Variants in KPNA1 observed in about 807,000 individuals in gnomAD.
KPNA1 encodes karyopherin subunit alpha 1, also known as importin subunit alpha-5.
Under a neutral mutation model 70.5 loss-of-function variants are expected in KPNA1, and 10 were observed. That is an observed-to-expected ratio of 0.14 (90% CI 0.09 to 0.24). The LOEUF (loss-of-function observed/expected upper bound fraction) is 0.24. Among genes scored for constraint, KPNA1 ranks in the 10% least tolerant of loss-of-function variants. KPNA1 has a pLI of 1.00. For missense variants in KPNA1, 397 were observed against 637.9 expected (o/e 0.62, Z 4.07); for synonymous variants, 192 against 221.9 (o/e 0.87, Z 1.20).
chr3:122,507,757 TAAA>T (rs769610393), intron 1 of KPNA1, among the ~76,000 whole-genome samples: 6 of 143,178 alleles, frequency 4.2e-5, no homozygotes, highest in Non-Finnish European at 3.1e-5. Flanking sequence ...TTTGGGGGGT[TAAA>T]AAAAAAAAAA....
At chr3:122,431,190 C>G (rs2075901085) in intron 12 of KPNA1, among the ~76,000 whole-genome samples, 1 of 152,166 alleles carries the variant, frequency 6.6e-6, no homozygotes, top group Non-Finnish European at 1.5e-5. Flanking sequence ...GACAGAGTCT[C>G]TCACTCTGTC....
At chr3:122,464,064 C>A in intron 3 of KPNA1, 23 bp from the exon 4 acceptor site, 1 of 1,330,434 alleles carries the variant, frequency 7.5e-7, no homozygotes. Flanking sequence ...ACAAAAAGAA[C>A]ATATAATAAA....
chr3:122,452,594 G>A lies in KPNA1; in HGVS notation c.565-530C>T, dbSNP rs1283304817. ...GGAGGGAAGGAAGGAAGGAAGGAAGGAAGGAAGGAAGGAAGGGAGGGAGGG... is the reference window on the plus strand; with the variant it reads ...GGAGGGAAGGAAGGAAGGAAGGAAGAAAGGAAGGAAGGAAGGGAGGGAGGG... On this transcript the variant is annotated intron_variant, in intron 6 of 13. Coordinates refer to ENST00000344337, the MANE Select transcript of KPNA1 (RefSeq NM_002264.4). 7.1e-5 allele frequency among the ~76,000 whole-genome samples: 7 copies of A among 98,218 alleles called. No homozygotes were observed. In the East Asian group the frequency reaches 2.3e-3, roughly 32 times the overall value. 64.4% of individuals were successfully genotyped at this position (98,218 alleles called of 152,430 possible). A position where few individuals can be genotyped will look rare whatever the true frequency, so the allele number is the denominator to read the frequency against.
At chr3:122,482,632 C>T (rs968905828) in intron 2 of KPNA1, among the ~76,000 whole-genome samples, 7 of 152,082 alleles carry the variant, frequency 4.6e-5, no homozygotes, top group African/African-American at 1.7e-4. Context: ...GGGACTAGAA[C>T]TAACAAGTGA....
rs2075809980 is a variant in KPNA1 at position 122,425,449 on chromosome 3, C to G, written c.*1536G>C. The G allele has an allele frequency of 1.3e-5, 2 of 152,594 alleles. No homozygotes were observed. The highest frequency in any genetic ancestry group is 6.5e-5 in the Admixed American group (1 of 15,280). 9.5% of individuals were successfully genotyped at this position (152,594 alleles called of 1,614,324 possible). A position where few individuals can be genotyped will look rare whatever the true frequency, so the allele number is the denominator to read the frequency against. Reference sequence around the variant, plus strand: ...TATGCTCTGAAACAGAGGTGAGCAACCTTTTCCTTCAGAATTCACTTTGAA... The same window carrying G: ...TATGCTCTGAAACAGAGGTGAGCAAGCTTTTCCTTCAGAATTCACTTTGAA... On this transcript the variant is annotated 3_prime_UTR_variant, in exon 14 of 14. Coordinates refer to ENST00000344337, the MANE Select transcript of KPNA1 (RefSeq NM_002264.4).
At chr3:122,471,751 C>T (rs1408299339) in intron 2 of KPNA1, among the ~76,000 whole-genome samples, 2 of 151,936 alleles carry the variant, frequency 1.3e-5, no homozygotes, top group Non-Finnish European at 2.9e-5. Context: ...GCCGAGATCG[C>T]GCCCCTGCAC....
At position 122,477,680 on chromosome 3, in the gene KPNA1, C is replaced by CA. The variant is rs201529878; in HGVS notation, c.130-10252dup. On this transcript the variant is annotated intron_variant, in intron 2 of 13. Coordinates refer to ENST00000344337, the MANE Select transcript of KPNA1 (RefSeq NM_002264.4). ...TGGGCGACAGAGTAAGACCTTGTCTCAAAAAAACAAATCCTGCTGAGACTG... is the reference window on the plus strand; with the variant it reads ...TGGGCGACAGAGTAAGACCTTGTCTCAAAAAAAACAAATCCTGCTGAGACTG... Among the ~76,000 whole-genome samples the CA allele has an allele frequency of 9.2e-3, 1,386 of 151,098 alleles. 21 individuals carry two copies. Among genetic ancestry groups the CA allele is most frequent in the African/African-American group, 0.032 (1,298 of 41,166 alleles).
chr3:122,468,043 A>C (rs2076400650), intron 2 of KPNA1, among the ~76,000 whole-genome samples: 1 of 152,244 alleles, frequency 6.6e-6, no homozygotes, highest in Non-Finnish European at 1.5e-5. Flanking sequence ...ACATTTATTC[A>C]TCAAGCCATG....
chr3:122,443,102 C>T (rs1204883783), intron 9 of KPNA1: 1 of 152,344 alleles, frequency 6.6e-6, no homozygotes, highest in Admixed American at 6.5e-5. Context: ...CCCGCCCAAA[C>T]ACTGTGCTTT....
intron 12 of KPNA1, chr3:122,432,544 T>G (rs1246110479): frequency 6.6e-6 from 1 of 152,254 alleles, no homozygotes; most frequent in Non-Finnish European, 1.5e-5. Flanking sequence ...TATGTTTGTC[T>G]GATATTACGT....
Position 122,451,630 on chromosome 3 carries a change from T to C in KPNA1, c.657A>G (p.Leu219=). ...TGGTCAGGCGGTTTTGCTTTGAAAA[T>C]AACCTAAAAGCACGATGGTACAATG... is the stretch of plus-strand genomic sequence containing the variant. The part of the protein sequence containing the change: ...DCNILPPLLQ[L]FSKQNRLTMT... Residue 219 remains leucine, a synonymous_variant, in exon 8 of 14, where the codon TTA becomes TTG. Coordinates refer to ENST00000344337, the MANE Select transcript of KPNA1 (RefSeq NM_002264.4). The C allele has an allele frequency of 6.2e-7, 1 of 1,609,986 alleles. No individual in the cohort carries two copies. The highest frequency in any genetic ancestry group is 8.5e-7 in the Non-Finnish European group (1 of 1,176,382).
intron 1 of KPNA1, among the ~76,000 whole-genome samples, chr3:122,506,656 C>G (rs2076893663): frequency 6.6e-6 from 1 of 152,190 alleles, no homozygotes; most frequent in Non-Finnish European, 1.5e-5. Context: ...AGGTGTTCAT[C>G]TCTGGCCTCA....
rs141961166 is a variant in KPNA1 at position 122,456,679 on chromosome 3, T to C, written c.433-2678A>G. Among the ~76,000 whole-genome samples the C allele has an allele frequency of 3.9e-3, 584 of 150,636 alleles. 3 individuals are homozygous for C. Among genetic ancestry groups the C allele is most frequent in the African/African-American group, 8.2e-3 (341 of 41,486 alleles). On this transcript the variant is annotated intron_variant, in intron 5 of 13. Coordinates refer to ENST00000344337, the MANE Select transcript of KPNA1 (RefSeq NM_002264.4). ...AAAAGTAAGTGAATAACAGCCTGAA[T>C]ACAGATGGTAAAAAAAAGAAATTAT...
At chr3:122,432,906 C>T (rs1259544353) in intron 12 of KPNA1, 5 of 152,282 alleles carry the variant, frequency 3.3e-5, no homozygotes, top group Non-Finnish European at 7.3e-5. Flanking sequence ...CAGGGGAAAA[C>T]TCCGTTTCTA....
chr3:122,435,099 C>T (rs1163627856), intron 11 of KPNA1, among the ~76,000 whole-genome samples: 1 of 152,024 alleles, frequency 6.6e-6, no homozygotes, highest in African/African-American at 2.4e-5. Context: ...TTCCATGAGC[C>T]GTTTCATCTT....
rs2075946423 is a variant in KPNA1, at chr3:122,433,749, T to C, written c.1162A>G (p.Ile388Val). ...DANIFPALIS[I>V]LQTAEFRTRK... ...GTCCGAAATTCAGCAGTTTGTAAAA[T>C]ACTAATGAGGGCTGGGAAAATGTTG... The change falls in exon 12 of 14, where the codon ATT (isoleucine) becomes GTT (valine). Residue 388 changes from isoleucine to valine, a missense_variant. Ile to Val is a conservative substitution (Grantham distance 29). Transcript: ENST00000344337. 1 of 1,612,818 alleles carries C rather than the reference T, an allele frequency of 6.2e-7. No homozygotes were observed.
Position 122,425,108 on chromosome 3 carries a change from A to G in KPNA1, c.*1877T>C, listed in dbSNP as rs893019306. On this transcript the variant is annotated 3_prime_UTR_variant, in exon 14 of 14. Transcript: ENST00000344337. ...CAATAACAAACAGACATCAGACGGT[A>G]TCCATCCCAGAGCACAGACACTACT... 1 of 152,522 alleles carries G rather than the reference A, an allele frequency of 6.6e-6. No individual in the cohort carries two copies. Among genetic ancestry groups the G allele is most frequent in the African/African-American group, 2.4e-5 (1 of 41,474 alleles). 9.4% of individuals were successfully genotyped at this position (152,522 alleles called of 1,614,324 possible).
intron 2 of KPNA1, among the ~76,000 whole-genome samples, chr3:122,483,570 C>G (rs1419040536): frequency 2.6e-5 from 4 of 152,156 alleles, no homozygotes. Flanking sequence ...GTCTTGAACT[C>G]CTGACCTCAG....
intron 9 of KPNA1, among the ~76,000 whole-genome samples, chr3:122,448,675 T>C (rs531102219): frequency 1.3e-5 from 2 of 151,824 alleles, no homozygotes; most frequent in Non-Finnish European, 2.9e-5. Context: ...CAAATCAACA[T>C]GGCACATGTA....
Sources: gnomAD v4.1 joint callset for allele counts (sites outside exome capture counted in the v4.1 genomes callset) on GRCh38, gnomAD v4.1.1 for gene constraint, MANE v1.5 for transcripts, NCBI Gene and HGNC (gene_info 2026-07-23, HGNC 2026-07-21) for gene names.